The following FYN variants were observed in gnomAD, a reference collection of about 807,000 sequenced individuals.
FYN encodes the protein FYN proto-oncogene, Src family tyrosine kinase, also known as tyrosine-protein kinase Fyn.
A neutral mutation model predicts 70.2 loss-of-function variants in FYN; 10 were observed. That is an observed-to-expected ratio of 0.14 (90% CI 0.09 to 0.24). The LOEUF (loss-of-function observed/expected upper bound fraction) is 0.24, where lower values mean the gene tolerates loss of function less well. Among genes scored for constraint, FYN ranks in the 10% least tolerant of loss-of-function variants. The pLI is 1.00. For missense variants in FYN, 319 were observed against 673.1 expected (o/e 0.47, Z 5.82); for synonymous variants, 236 against 248.6 (o/e 0.95, Z 0.48).
At chr6:111,687,950 C>T (rs1360867912) in intron 12 of FYN, among the ~76,000 whole-genome samples, 1 of 152,094 alleles carries the variant, frequency 6.6e-6, no homozygotes, top group Non-Finnish European at 1.5e-5. Context: ...TGCTCTTAAC[C>T]AGTCCAGGCC....
intron 3 of FYN, among the ~76,000 whole-genome samples, chr6:111,780,359 C>A (rs947467097): frequency 1.3e-5 from 2 of 152,160 alleles, no homozygotes; most frequent in Non-Finnish European, 2.9e-5. Flanking sequence ...TTTTAGAAAA[C>A]CCCATATTGC....
At chr6:111,715,424 C>G (rs898386593) in intron 4 of FYN, among the ~76,000 whole-genome samples, 9 of 152,092 alleles carry the variant, frequency 5.9e-5, no homozygotes, top group Non-Finnish European at 1.0e-4. Context: ...CTCCTGCCTC[C>G]TAGTATTCAG....
intron 10 of FYN, among the ~76,000 whole-genome samples, chr6:111,695,596 AT>A (rs1799536645): frequency 6.6e-6 from 1 of 152,262 alleles, no homozygotes; most frequent in South Asian, 2.1e-4. Flanking sequence ...TTCCCATTAA[AT>A]TTTAAAAGAA....
intron 1 of FYN, among the ~76,000 whole-genome samples, chr6:111,857,760 T>G (rs1773860792): frequency 6.6e-6 from 1 of 152,208 alleles, no homozygotes; most frequent in Non-Finnish European, 1.5e-5. Context: ...CTTTAGTTGC[T>G]TCAGGGCAAT....
At chr6:111,676,437 T>A (rs1798534052) in intron 12 of FYN, 1 of 152,256 alleles carries the variant, frequency 6.6e-6, no homozygotes, top group African/African-American at 2.4e-5. Context: ...TGATTCCACA[T>A]AAGACCTGGT....
intron 2 of FYN, among the ~76,000 whole-genome samples, chr6:111,826,312 C>T (rs1168708660): frequency 6.6e-6 from 1 of 152,096 alleles, no homozygotes; most frequent in East Asian, 1.9e-4. Flanking sequence ...CCAACTCTGG[C>T]TTTTACTGTT....
chr6:111,664,277 GA>G (rs34893514), intron 13 of FYN, among the ~76,000 whole-genome samples: 11,471 of 152,050 alleles, frequency 0.075, 1,487 homozygotes, highest in African/African-American at 0.26. Flanking sequence ...GAAACAGGCA[GA>G]AGGGCCTGAC....
intron 13 of FYN, among the ~76,000 whole-genome samples, chr6:111,663,539 C>G (rs773886890): frequency 6.6e-6 from 1 of 152,244 alleles, no homozygotes; most frequent in African/African-American, 2.4e-5. Flanking sequence ...CTCTCCAGAC[C>G]TTTTCAGGAT....
At chr6:111,792,308 C>T (rs1562523205) in intron 2 of FYN, among the ~76,000 whole-genome samples, 2 of 152,190 alleles carry the variant, frequency 1.3e-5, no homozygotes, top group African/African-American at 2.4e-5. Flanking sequence ...AATACACCTA[C>T]AGGACTGGCT....
At chr6:111,721,639 A>C (rs1406599706) in intron 3 of FYN, among the ~76,000 whole-genome samples, 1 of 152,062 alleles carries the variant, frequency 6.6e-6, no homozygotes, top group East Asian at 1.9e-4. Context: ...TCCTGACCTC[A>C]GGTGATCCGC....
intron 2 of FYN, among the ~76,000 whole-genome samples, chr6:111,840,635 T>G (rs2114454977): frequency 6.6e-6 from 1 of 152,314 alleles, no homozygotes; most frequent in Non-Finnish European, 1.5e-5. Flanking sequence ...AAAATTTTGT[T>G]GTGGGCTAAA....
intron 4 of FYN, among the ~76,000 whole-genome samples, chr6:111,717,747 A>T (rs1800731102): frequency 6.6e-6 from 1 of 152,186 alleles, no homozygotes; most frequent in Non-Finnish European, 1.5e-5. Context: ...TACAGGCATG[A>T]GCTACTGCAC....
rs1045182574 is a variant in FYN, at chr6:111,674,381, C to T, written c.1405+118G>A. The T allele has an allele frequency of 4.1e-5, 48 of 1,183,580 alleles. 1 individual carries two copies. In the African/African-American group the frequency reaches 7.0e-4, roughly 17 times the overall value. 73.3% of individuals were successfully genotyped at this position (1,183,580 alleles called of 1,614,324 possible). A position where few individuals can be genotyped will look rare whatever the true frequency, so the allele number is the denominator to read the frequency against. On this transcript the variant is annotated intron_variant, in intron 13 of 13. Transcript: ENST00000354650. ...TGAATACCTGGCCATGTTCTTCAAA[C>T]TCAAGCTCAGCAGAAAGCTGAGGAT... is the stretch of plus-strand genomic sequence containing the variant.
chr6:111,763,696 T>C (rs1803097325), intron 3 of FYN, among the ~76,000 whole-genome samples: 1 of 152,238 alleles, frequency 6.6e-6, no homozygotes, highest in South Asian at 2.1e-4. Flanking sequence ...CTATTCATGC[T>C]ACAAAACTTT....
At chr6:111,745,427 C>T (rs1314121605) in intron 3 of FYN, among the ~76,000 whole-genome samples, 1 of 152,042 alleles carries the variant, frequency 6.6e-6, no homozygotes, top group Admixed American at 6.6e-5. Context: ...GTGGGAAGGA[C>T]TGGTGAAAAA....
chr6:111,811,601 C>T lies in FYN; in HGVS notation c.-81-30966G>A, dbSNP rs572551202. 5.9e-5 allele frequency among the ~76,000 whole-genome samples: 9 copies of T among 152,284 alleles called. No individual in the cohort carries two copies. In the South Asian group the frequency reaches 1.9e-3, roughly 32 times the overall value. On this transcript the variant is annotated intron_variant, in intron 2 of 13. Coordinates refer to ENST00000354650, the MANE Select transcript of FYN (RefSeq NM_002037.5). Reference sequence around the variant, plus strand: ...TCTCTGGGAATCTGTTCCAACCTTACTTGACCTTACATATGATGAGGGTAG... The same window carrying T: ...TCTCTGGGAATCTGTTCCAACCTTATTTGACCTTACATATGATGAGGGTAG...
At chr6:111,804,300 G>C (rs1383640521) in intron 2 of FYN, among the ~76,000 whole-genome samples, 2 of 152,140 alleles carry the variant, frequency 1.3e-5, no homozygotes, top group African/African-American at 4.8e-5. Flanking sequence ...GAACTGGGGG[G>C]AACTGGGGAA....
intron 2 of FYN, among the ~76,000 whole-genome samples, chr6:111,831,194 TCTC>T (rs1177997212): frequency 6.6e-6 from 1 of 152,104 alleles, no homozygotes; most frequent in Admixed American, 6.5e-5. Context: ...GGAAAGTTTC[TCTC>T]CTATCTGCTT....
At chr6:111,868,579 A>G (rs943583264) in intron 1 of FYN, among the ~76,000 whole-genome samples, 7 of 152,216 alleles carry the variant, frequency 4.6e-5, no homozygotes, top group African/African-American at 1.7e-4. Flanking sequence ...TTTCTCATCA[A>G]CCAAAAGTCT....
Sources: allele counts gnomAD v4.1 joint callset (sites outside exome capture counted in the v4.1 genomes callset), GRCh38; gene constraint gnomAD v4.1.1; transcripts MANE v1.5; gene names NCBI Gene and HGNC (gene_info 2026-07-23, HGNC 2026-07-21).